Variants in RAD51B observed in about 807,000 individuals in gnomAD.
RAD51B encodes the protein DNA repair protein RAD51 homolog 2.
A neutral mutation model predicts 42.2 loss-of-function variants in RAD51B; 38 were observed. That is an observed-to-expected ratio of 0.90 (90% confidence interval 0.70 to 1.18). The LOEUF is 1.18. Ranked by LOEUF, RAD51B falls within the 50% of genes most tolerant of loss-of-function variation. The pLI is 0.00. For synonymous variants in RAD51B, 154 were observed against 145.2 expected (o/e 1.06, Z -0.43); for missense variants, 373 against 400.7 (o/e 0.93, Z 0.59).
chr14:68,140,870 C>T (rs1286346428), intron 7 of RAD51B, among the ~76,000 whole-genome samples: 1 of 152,182 alleles, frequency 6.6e-6, no homozygotes, highest in East Asian at 1.9e-4. Context: ...ATTGATAGCA[C>T]TCAATCTATA....
intron 7 of RAD51B, among the ~76,000 whole-genome samples, chr14:68,069,385 G>A (rs1285632428): frequency 1.3e-5 from 2 of 152,082 alleles, no homozygotes; most frequent in Non-Finnish European, 2.9e-5. Context: ...TGTCACCTGA[G>A]TAATCAGCAT....
chr14:68,491,048 G>A (rs1884031370), intron 10 of RAD51B, among the ~76,000 whole-genome samples: 1 of 152,172 alleles, frequency 6.6e-6, no homozygotes, highest in African/African-American at 2.4e-5. Flanking sequence ...CTAGGAGATA[G>A]AGAAAGGGAA....
chr14:68,233,211 AT>A (rs2080181138), intron 7 of RAD51B, among the ~76,000 whole-genome samples: 1 of 152,208 alleles, frequency 6.6e-6, no homozygotes, highest in Non-Finnish European at 1.5e-5. Flanking sequence ...TACAGGCCAG[AT>A]TATAACCCCC....
chr14:68,611,004 A>C lies in RAD51B; in HGVS notation c.1037-2A>C, dbSNP rs1000869311. On this transcript the variant is annotated splice_acceptor_variant, in intron 10 of 10. Transcript: ENST00000487861. LOFTEE classifies it high-confidence loss of function. Reference sequence around the variant, plus strand: ...ATCTGATCTTATTCTCTCATTTCACAGTTGTTAGAACTGTGGCCAGAGTCA... The same window carrying C: ...ATCTGATCTTATTCTCTCATTTCACCGTTGTTAGAACTGTGGCCAGAGTCA... 8.5e-6 allele frequency: 6 copies of C among 702,592 alleles called. No individual in the cohort carries two copies. The highest frequency in any genetic ancestry group is 1.6e-5 in the Non-Finnish European group (6 of 384,794). 43.5% of individuals were successfully genotyped at this position (702,592 alleles called of 1,614,324 possible).
rs568954864 is a variant in RAD51B at position 68,089,921 on chromosome 14, T to C, written c.757-201963T>C. ...CCTAAATTATATTATTTTAGATTTA[T>C]ATATGTGAGCTTTTATGCCCTAAAT... On this transcript the variant is annotated intron_variant, in intron 7 of 10. Transcript: ENST00000471583. Among the ~76,000 whole-genome samples, 4 of 152,276 alleles carry C rather than the reference T, an allele frequency of 2.6e-5. No homozygotes were observed. In the South Asian group the frequency reaches 8.3e-4, roughly 32 times the overall value.
chr14:67,915,747 A>T (rs2044129574), intron 7 of RAD51B, among the ~76,000 whole-genome samples: 1 of 152,202 alleles, frequency 6.6e-6, no homozygotes, highest in African/African-American at 2.4e-5. Context: ...TTTGTTTGTT[A>T]GTATTGTCTA....
intron 10 of RAD51B, chr14:68,545,429 C>T (rs1213869743): frequency 2.7e-6 from 1 of 366,464 alleles, no homozygotes; most frequent in Non-Finnish European, 5.4e-6. Flanking sequence ...ACAGTCAACT[C>T]CACTGGCATG....
At chr14:68,360,467 A>C (rs1316120628) in intron 8 of RAD51B, among the ~76,000 whole-genome samples, 1 of 152,256 alleles carries the variant, frequency 6.6e-6, no homozygotes, top group Non-Finnish European at 1.5e-5. Flanking sequence ...TGCCTGTGGC[A>C]GTAGTGGCAG....
At chr14:68,356,161 G>A (rs1424801104) in intron 8 of RAD51B, among the ~76,000 whole-genome samples, 9 of 152,150 alleles carry the variant, frequency 5.9e-5, no homozygotes, top group South Asian at 2.1e-4. Context: ...GGCCGGGCGC[G>A]GTGGCTCACG....
chr14:67,887,222 T>C lies in RAD51B; in HGVS notation c.756+18T>C, dbSNP rs34175580. On this transcript the variant is annotated intron_variant, in intron 7 of 10. Coordinates refer to ENST00000471583, the MANE Select transcript of RAD51B (RefSeq NM_133510.4). ...CAATCCCAGTAAGTTTTTCTTTTTT[T>C]CTCTTTTTTCTTTTCCTTTCTTTTG... 1.7e-3 allele frequency: 2,645 copies of C among 1,565,576 alleles called. 40 individuals carry two copies. In the African/African-American group the frequency reaches 0.03, roughly 18 times the overall value.
intron 7 of RAD51B, among the ~76,000 whole-genome samples, chr14:68,202,715 T>A (rs2079514197): frequency 6.6e-6 from 1 of 151,478 alleles, no homozygotes; most frequent in South Asian, 2.1e-4. Context: ...CCTCAGTAGC[T>A]GGGATTACAG....
intron 8 of RAD51B, among the ~76,000 whole-genome samples, chr14:68,409,356 G>A (rs190977209): frequency 2.5e-4 from 38 of 152,306 alleles, no homozygotes; most frequent in African/African-American, 8.7e-4. Context: ...ATCTCTTAGT[G>A]GGGGTGAAGA....
intron 4 of RAD51B, among the ~76,000 whole-genome samples, chr14:67,860,479 A>G (rs1055480916): frequency 6.6e-6 from 1 of 152,204 alleles, no homozygotes; most frequent in Admixed American, 6.5e-5. Flanking sequence ...GCACTTGTTC[A>G]AGTTTATGAA....
chr14:68,380,569 G>T (rs897443349), intron 8 of RAD51B, among the ~76,000 whole-genome samples: 1 of 152,084 alleles, frequency 6.6e-6, no homozygotes, highest in Non-Finnish European at 1.5e-5. Flanking sequence ...ATGGAGTGGG[G>T]GATGAAGGAT....
intron 7 of RAD51B, among the ~76,000 whole-genome samples, chr14:68,010,546 G>A (rs72725159): frequency 0.13 from 20,050 of 151,542 alleles, 1,521 homozygotes; most frequent in Middle Eastern, 0.29. Context: ...TTAGAGTAAT[G>A]GATTCTGTTT....
At chr14:68,677,728 C>A (rs1018847147) in intron 11 of RAD51B, among the ~76,000 whole-genome samples, 9 of 152,142 alleles carry the variant, frequency 5.9e-5, no homozygotes, top group Non-Finnish European at 2.9e-5. Flanking sequence ...AAGGCATTGG[C>A]GTCATTCCAG....
At chr14:67,895,259 A>C (rs1404885647) in intron 7 of RAD51B, among the ~76,000 whole-genome samples, 3 of 152,254 alleles carry the variant, frequency 2.0e-5, no homozygotes, top group Admixed American at 2.0e-4. Flanking sequence ...GATTTGTTGT[A>C]GAATTTTCTA....
At chr14:67,968,233 C>T (rs995294820) in intron 7 of RAD51B, among the ~76,000 whole-genome samples, 2 of 152,290 alleles carry the variant, frequency 1.3e-5, no homozygotes, top group Middle Eastern at 3.4e-3. Context: ...TCCTCCTAGG[C>T]TTCTGGGTCT....
intron 7 of RAD51B, among the ~76,000 whole-genome samples, chr14:68,021,088 G>GTCT (rs952033954): frequency 3.3e-5 from 5 of 152,212 alleles, no homozygotes; most frequent in African/African-American, 1.2e-4. Context: ...CTTACACTGT[G>GTCT]TCTGCCTTGT....
Sources: allele counts gnomAD v4.1 joint callset (sites outside exome capture counted in the v4.1 genomes callset), GRCh38; gene constraint gnomAD v4.1.1; transcripts MANE v1.5; gene names NCBI Gene and HGNC (gene_info 2026-07-23, HGNC 2026-07-21).